ZFC3H1: variants seen among roughly 807,000 people sequenced by gnomAD.
The protein encoded by ZFC3H1 is zinc finger C3H1-type containing, also known as zinc finger C3H1 domain-containing protein.
ZFC3H1 carries 71 observed loss-of-function variants against 243.7 expected under a neutral mutation model. The ratio of observed to expected loss-of-function variants is 0.29; its 90% CI spans 0.24 to 0.36. The LOEUF (loss-of-function observed/expected upper bound fraction) is 0.36, where lower values mean the gene tolerates loss of function less well. ZFC3H1 is among the 10% of genes least tolerant of loss of function. ZFC3H1 has a pLI of 1.00. For missense variants in ZFC3H1, 1,966 were observed against 2,317.1 expected, an observed-to-expected ratio of 0.85 and a Z score of 3.11; for synonymous variants, 838 against 813.0, an observed-to-expected ratio of 1.03 and a Z score of -0.52.
In ZFC3H1 at chr12:71,644,890, T is replaced by G. The variant is rs1184559292; in HGVS notation, c.1266A>C (p.Lys422Asn). The change falls in exon 4 of 35, where the codon AAA becomes AAC. Residue 422 changes from lysine (K) to asparagine (N), a missense_variant. Around this residue, in one of 4 missense-constraint regions of ZFC3H1, gnomAD observed 91 missense variants for 107.6 expected, o/e 0.85. Coordinates refer to ENST00000378743, the MANE Select transcript of ZFC3H1 (RefSeq NM_144982.5). ...AAAAATGATCACCTGTAGTGCTAAC[T>G]TTTTTGGCCGAATGTGTTTTTGTAC... ...KTSTKTHSAK[K>N]VSTTAKQALR... 6.2e-7 allele frequency: 1 copy of G among 1,610,678 alleles called. No individual in the cohort carries two copies. The highest frequency in any genetic ancestry group is 1.3e-5 in the African/African-American group (1 of 74,682).
intron 19 of ZFC3H1, 45 bp downstream of exon 19, chr12:71,629,551 TACAGTACACACAC>T: frequency 2.0e-6 from 1 of 512,490 alleles, no homozygotes. Context: ...CAGAAAGAGA[TACAGTACACACAC>T]ACACACACAC....
chr12:71,618,527 A>ATACTGGAGTATAACCATGC (rs1879946327), intron 27 of ZFC3H1, among the ~76,000 whole-genome samples: 1 of 152,192 alleles, frequency 6.6e-6, no homozygotes, highest in South Asian at 2.1e-4. Context: ...ATTTTTGTAA[A>ATACTGGAGTATAACCATGC]CAGTTATACT....
chr12:71,643,111 C>T (rs1449079944), intron 5 of ZFC3H1, among the ~76,000 whole-genome samples: 1 of 152,102 alleles, frequency 6.6e-6, no homozygotes, highest in South Asian at 2.1e-4. Context: ...CAAAACCTCT[C>T]GAGAAGGAGG....
intron 1 of ZFC3H1, among the ~76,000 whole-genome samples, chr12:71,662,770 T>G (rs1024977719): frequency 6.6e-6 from 1 of 152,200 alleles, no homozygotes; most frequent in South Asian, 2.1e-4. Context: ...CAGACTTAAC[T>G]GTCTTAGATT....
At chr12:71,661,524 C>G (rs1881176785) in intron 1 of ZFC3H1, among the ~76,000 whole-genome samples, 1 of 149,142 alleles carries the variant, frequency 6.7e-6, no homozygotes, top group Non-Finnish European at 1.5e-5. Context: ...GCTTTACCGC[C>G]CAGGATGGAG....
At chr12:71,634,019 T>C (rs1880393924) in intron 12 of ZFC3H1, 136 bp downstream of exon 12, 3 of 906,470 alleles carry the variant, frequency 3.3e-6, no homozygotes, top group Non-Finnish European at 4.9e-6. Context: ...TTCAACAAAA[T>C]GACAGACTTC....
intron 10 of ZFC3H1, 137 bp from the exon 11 acceptor site, chr12:71,634,962 T>G: frequency 9.2e-7 from 1 of 1,088,084 alleles, no homozygotes; most frequent in Non-Finnish European, 1.2e-6. Flanking sequence ...TTTTCTATTC[T>G]TTTTTCTAAA....
intron 2 of ZFC3H1, among the ~76,000 whole-genome samples, chr12:71,655,145 A>C (rs1880985578): frequency 6.6e-6 from 1 of 152,138 alleles, no homozygotes; most frequent in South Asian, 2.1e-4. Context: ...TCTTACAAAA[A>C]ACTGATTACA....
rs528481201 is a variant in ZFC3H1, at chr12:71,627,413, C to T, written c.4130+338G>A. On this transcript the variant is annotated intron_variant, in intron 21 of 34. Transcript: ENST00000378743. ...CATTATTTTATCATAATTTTATTAACAAACTATGACTACTATGATTTTTTT... is the reference window on the plus strand; with the variant it reads ...CATTATTTTATCATAATTTTATTAATAAACTATGACTACTATGATTTTTTT... 2.5e-4 allele frequency among the ~76,000 whole-genome samples: 38 copies of T among 152,204 alleles called. 1 individual carries two copies. Among genetic ancestry groups the T allele is most frequent in the African/African-American group, 8.9e-4 (37 of 41,538 alleles).
chr12:71,663,248 C>T lies in ZFC3H1; in HGVS notation c.363G>A (p.Ser121=). 1 of 1,613,750 alleles carries T rather than the reference C, an allele frequency of 6.2e-7. No homozygotes were observed. The highest frequency in any genetic ancestry group is 8.5e-7 in the Non-Finnish European group (1 of 1,180,034). The change falls in exon 1 of 35, where the codon TCG becomes TCA. Residue 121 remains serine, a synonymous_variant. Transcript: ENST00000378743. ...RSHPPSVRMP[S]SSLSESSPRP... ...GGGGACTGCTTTCGGACAGTGAGCT[C>T]GAAGGCATCCGTACAGAAGGCGGAT...
chr12:71,613,635 T>C (rs1265590173), intron 30 of ZFC3H1, 200 bp from the exon 31 acceptor site: 1 of 443,652 alleles, frequency 2.3e-6, no homozygotes. Context: ...TATGGTCTAG[T>C]GATGAGAGCC....
At position 71,634,289 on chromosome 12, in the gene ZFC3H1, A is replaced by G. The variant is rs1195878487; in HGVS notation, c.2376T>C (p.Arg792=). Residue 792 remains arginine, a synonymous_variant, in exon 12 of 35, where the codon CGT becomes CGC. Coordinates refer to ENST00000378743, the MANE Select transcript of ZFC3H1 (RefSeq NM_144982.5). ...KEEIANREKQ[R]LIKSDQLKTS... is the part of the protein sequence containing the mutation. ...TCTTCAGCTGATCTGATTTAATCAA[A>G]CGCTGTTTCTCACGGCTAAAATTAT... 1.9e-6 allele frequency: 3 copies of G among 1,612,868 alleles called. No individual in the cohort carries two copies. Among genetic ancestry groups the G allele is most frequent in the Non-Finnish European group, 2.5e-6 (3 of 1,179,656 alleles).
chr12:71,652,290 C>T (rs1299632448), intron 2 of ZFC3H1, among the ~76,000 whole-genome samples: 1 of 152,192 alleles, frequency 6.6e-6, no homozygotes, highest in Non-Finnish European at 1.5e-5. Flanking sequence ...CCAAAACACA[C>T]ATCTGATCAC....
chr12:71,628,220 G>A (rs1290290883), intron 20 of ZFC3H1, among the ~76,000 whole-genome samples: 1 of 152,172 alleles, frequency 6.6e-6, no homozygotes, highest in African/African-American at 2.4e-5. Flanking sequence ...CCACTTAACA[G>A]TAACTATGAT....
chr12:71,610,562 G>C lies in ZFC3H1; in HGVS notation c.5836C>G (p.Leu1946Val), dbSNP rs933857478. The C allele has an allele frequency of 1.2e-6, 2 of 1,613,082 alleles. No individual in the cohort carries two copies. Among genetic ancestry groups the C allele is most frequent in the African/African-American group, 2.7e-5 (2 of 74,878 alleles). ...CCTCCTTCTGATGCTTCAAACAAGA[G>C]TTGCTGTAAAAGACAGGGAAGCATA... ...PLCASLWKDQ[L>V]LFEASEGGKT... The change falls in exon 35 of 35, where the codon CTC (leucine) becomes GTC (valine). Residue 1946 changes from leucine (L) to valine (V), a missense_variant. Around this residue, in one of 4 missense-constraint regions of ZFC3H1, gnomAD observed 1,383 missense variants for 1,723.7 expected, o/e 0.80. Transcript: ENST00000378743.
At chr12:71,651,433 T>G (rs1199891931) in intron 2 of ZFC3H1, among the ~76,000 whole-genome samples, 1 of 152,200 alleles carries the variant, frequency 6.6e-6, no homozygotes, top group Non-Finnish European at 1.5e-5. Flanking sequence ...TGTTTTGCCT[T>G]CTAAAATGTA....
Position 71,630,609 on chromosome 12 carries a change from C to G in ZFC3H1, c.3715G>C (p.Ala1239Pro). Residue 1239 changes from alanine (A) to proline (P), a missense_variant, in exon 18 of 35, where the codon GCT becomes CCT. This residue lies in a region of ZFC3H1 where 1,383 missense variants were observed against 1,723.7 expected (regional missense o/e 0.80). Coordinates refer to ENST00000378743, the MANE Select transcript of ZFC3H1 (RefSeq NM_144982.5). ...GGAAGTCTTTAAAAACCTGCTGAAGCAGTAATTTCTTCATTAGTACTTGTC... is the reference window on the plus strand; with the variant it reads ...GGAAGTCTTTAAAAACCTGCTGAAGGAGTAATTTCTTCATTAGTACTTGTC... ...AETSTNEEIT[A>P]SAEKYVEKLF... 1.2e-6 allele frequency: 2 copies of G among 1,603,022 alleles called. No individual in the cohort carries two copies. Among genetic ancestry groups the G allele is most frequent in the African/African-American group, 2.7e-5 (2 of 74,310 alleles).
chr12:71,661,523 C>T (rs1881176712), intron 1 of ZFC3H1, among the ~76,000 whole-genome samples: 1 of 146,710 alleles, frequency 6.8e-6, no homozygotes, highest in Non-Finnish European at 1.5e-5. Context: ...CGCTTTACCG[C>T]CCAGGATGGA....
At chr12:71,647,874 T>C in intron 2 of ZFC3H1, 61 bp from the exon 3 acceptor site, 1 of 622,134 alleles carries the variant, frequency 1.6e-6, no homozygotes, top group Non-Finnish European at 2.6e-6. Flanking sequence ...TAAAATAAAA[T>C]AATCCTATAT....
Sources: allele counts gnomAD v4.1 joint callset (sites outside exome capture counted in the v4.1 genomes callset), GRCh38; gene constraint gnomAD v4.1.1; regional missense constraint gnomAD v4.1.1; transcripts MANE v1.5; gene names NCBI Gene and HGNC (gene_info 2026-07-23, HGNC 2026-07-21).